CNBD1: variants seen among roughly 807,000 people sequenced by gnomAD.
CNBD1 encodes cyclic nucleotide-binding domain-containing protein 1.
In CNBD1, 71 loss-of-function variants were observed where a neutral mutation model predicts 54.4. The observed-to-expected ratio is 1.30, with a 90% CI of 1.08 to 1.59. The LOEUF is 1.59. Among genes scored for constraint, CNBD1 ranks in the 40% most tolerant of loss-of-function variants. The pLI, the probability that CNBD1 is intolerant of heterozygous loss-of-function variation, is 0.00. For synonymous variants in CNBD1, 182 were observed against 170.7 expected, an observed-to-expected ratio of 1.07 and a Z score of -0.51; for missense variants, 659 against 518.0, an observed-to-expected ratio of 1.27 and a Z score of -2.64.
chr8:86,916,906 T>C (rs1345457448), intron 3 of CNBD1, among the ~76,000 whole-genome samples: 1 of 150,888 alleles, frequency 6.6e-6, no homozygotes, highest in Admixed American at 6.6e-5. Context: ...GATCTCACTC[T>C]GTCACCCAGA....
At chr8:86,897,352 G>T (rs1211661398) in intron 2 of CNBD1, among the ~76,000 whole-genome samples, 1 of 152,146 alleles carries the variant, frequency 6.6e-6, no homozygotes, top group African/African-American at 2.4e-5. Flanking sequence ...TCCAAAAGAG[G>T]AGGGTGAGTT....
chr8:87,167,878 A>G (rs1450383310), intron 4 of CNBD1, among the ~76,000 whole-genome samples: 1 of 151,936 alleles, frequency 6.6e-6, no homozygotes, highest in Admixed American at 6.6e-5. Context: ...TGCCAATGTC[A>G]TAGGGTATAC....
chr8:86,941,812 C>T (rs1807316673), intron 4 of CNBD1, among the ~76,000 whole-genome samples: 1 of 152,076 alleles, frequency 6.6e-6, no homozygotes, highest in Non-Finnish European at 1.5e-5. Context: ...TTGTGGACCT[C>T]CATGGATGCT....
At chr8:87,302,365 G>C (rs62528135) in intron 8 of CNBD1, among the ~76,000 whole-genome samples, 7,563 of 151,730 alleles carry the variant, frequency 0.05, 253 homozygotes, top group Non-Finnish European at 0.068. Context: ...ATCCAGCATA[G>C]AAACAGAACC....
intron 8 of CNBD1, among the ~76,000 whole-genome samples, chr8:87,334,591 T>A (rs1308797859): frequency 1.3e-5 from 2 of 152,156 alleles, no homozygotes; most frequent in Non-Finnish European, 2.9e-5. Flanking sequence ...TTTTTATTTG[T>A]TTCAAAGAAC....
intron 8 of CNBD1, among the ~76,000 whole-genome samples, chr8:87,304,741 C>A (rs1422257284): frequency 6.6e-6 from 1 of 152,032 alleles, no homozygotes; most frequent in African/African-American, 2.4e-5. Flanking sequence ...TCAGCAATGT[C>A]GGCAAACAAG....
chr8:87,132,794 T>TGTGTATATATATAC (rs1020078791), intron 4 of CNBD1, among the ~76,000 whole-genome samples: 1 of 144,474 alleles, frequency 6.9e-6, no homozygotes, highest in African/African-American at 2.7e-5. Context: ...CATATATATA[T>TGTGTATATATATAC]GTGTATATAT....
chr8:86,956,311 T>C (rs1013823081), intron 4 of CNBD1, among the ~76,000 whole-genome samples: 4 of 152,186 alleles, frequency 2.6e-5, no homozygotes, highest in African/African-American at 9.7e-5. Context: ...CTTGGCTATG[T>C]GTGCTCTTTT....
At chr8:87,371,181 T>A (rs1254012189) in intron 10 of CNBD1, among the ~76,000 whole-genome samples, 1 of 152,062 alleles carries the variant, frequency 6.6e-6, no homozygotes, top group Non-Finnish European at 1.5e-5. Flanking sequence ...AGTTTTGTTC[T>A]TTCGGCTTAG....
chr8:86,968,666 G>C (rs886414111), intron 4 of CNBD1, among the ~76,000 whole-genome samples: 1 of 152,086 alleles, frequency 6.6e-6, no homozygotes, highest in Non-Finnish European at 1.5e-5. Flanking sequence ...GTAGATAAAA[G>C]GACAGAATGG....
intron 4 of CNBD1, among the ~76,000 whole-genome samples, chr8:86,959,362 G>A (rs538023720): frequency 7.9e-5 from 12 of 152,200 alleles, no homozygotes; most frequent in South Asian, 2.1e-4. Context: ...TCTTCATGGC[G>A]TTCTCTGTAT....
intron 4 of CNBD1, among the ~76,000 whole-genome samples, chr8:87,121,738 A>G (rs1208732370): frequency 6.6e-6 from 1 of 151,646 alleles, no homozygotes. Flanking sequence ...ACTTTCTTAG[A>G]TTTCACATAT....
At chr8:86,916,215 C>G (rs921283523) in intron 3 of CNBD1, among the ~76,000 whole-genome samples, 6 of 152,098 alleles carry the variant, frequency 3.9e-5, no homozygotes, top group Non-Finnish European at 8.8e-5. Flanking sequence ...GAGACTGAGG[C>G]AAGTTTTAGA....
chr8:87,176,137 C>T (rs1483123696), intron 4 of CNBD1, among the ~76,000 whole-genome samples: 1 of 152,194 alleles, frequency 6.6e-6, no homozygotes, highest in East Asian at 1.9e-4. Context: ...GTCTTTTCTA[C>T]CCTCTTCTGT....
intron 2 of CNBD1, among the ~76,000 whole-genome samples, chr8:86,901,073 C>T (rs1479581753): frequency 6.6e-6 from 1 of 152,050 alleles, no homozygotes; most frequent in Non-Finnish European, 1.5e-5. Flanking sequence ...GACTGAATAG[C>T]ATGAAACTTT....
chr8:87,410,030 A>T (rs1807715365), intron 2 of CNBD1, among the ~76,000 whole-genome samples: 1 of 152,076 alleles, frequency 6.6e-6, no homozygotes. Context: ...TTCAAAAAAA[A>T]AAAGAATTAA....
At chr8:87,196,855 G>C (rs1337876770) in intron 4 of CNBD1, among the ~76,000 whole-genome samples, 1 of 152,154 alleles carries the variant, frequency 6.6e-6, no homozygotes, top group Non-Finnish European at 1.5e-5. Context: ...TTTTGCTTTT[G>C]GCCGTCAGCT....
rs138378177 is a variant in CNBD1 at position 87,315,033 on chromosome 8, A to G, written c.1042+28362A>G. On this transcript the variant is annotated intron_variant, in intron 8 of 10. Transcript: ENST00000518476. ...ATTCTAATGTCTACACGGAAAATTT[A>G]ACAAGCAAAAGTACTTAGAAAATAC... is the stretch of plus-strand genomic sequence containing the variant. Among the ~76,000 whole-genome samples, 577 of 152,218 alleles carry G rather than the reference A, an allele frequency of 3.8e-3. 5 individuals carry two copies. The highest frequency in any genetic ancestry group is 0.013 in the African/African-American group (553 of 41,570).
chr8:86,904,980 A>T, intron 2 of CNBD1, 101 bp from the exon 3 acceptor site: 1 of 491,334 alleles, frequency 2.0e-6, no homozygotes, highest in Non-Finnish European at 3.6e-6. Context: ...TTCTTAGACT[A>T]AATAGTATAG....
Sources: allele counts gnomAD v4.1 joint callset (sites outside exome capture counted in the v4.1 genomes callset), GRCh38; gene constraint gnomAD v4.1.1; transcripts MANE v1.5; gene names NCBI Gene and HGNC (gene_info 2026-07-23, HGNC 2026-07-21).